The following GABPA variants were observed in gnomAD, a reference collection of about 807,000 sequenced individuals.
GABPA encodes the protein GA-binding protein alpha chain.
A neutral mutation model predicts 59.4 loss-of-function variants in GABPA; 4 were observed. The observed-to-expected ratio is 0.07, with a 90% CI of 0.03 to 0.15. The LOEUF (loss-of-function observed/expected upper bound fraction) is 0.15. Among genes scored for constraint, GABPA ranks in the 10% least tolerant of loss-of-function variants. GABPA has a pLI of 1.00. For missense variants in GABPA, 251 were observed against 543.8 expected, an observed-to-expected ratio of 0.46 and a Z score of 5.36; for synonymous variants, 164 against 183.1, an observed-to-expected ratio of 0.90 and a Z score of 0.84.
chr21:25,754,811 G>C (rs1201838281), intron 5 of GABPA, among the ~76,000 whole-genome samples: 1 of 152,216 alleles, frequency 6.6e-6, no homozygotes, highest in African/African-American at 2.4e-5. Flanking sequence ...CAGCACTTTG[G>C]GAGGCTGAGG....
intron 5 of GABPA, among the ~76,000 whole-genome samples, chr21:25,754,896 C>T (rs2035597028): frequency 6.7e-6 from 1 of 150,298 alleles, no homozygotes; most frequent in African/African-American, 2.4e-5. Context: ...ACTAAAAACA[C>T]AAAAATTAGC....
chr21:25,762,246 T>A (rs879517755), intron 6 of GABPA, 66 bp from the exon 7 acceptor site: 28 of 812,930 alleles, frequency 3.4e-5, no homozygotes, highest in African/African-American at 8.6e-5. Flanking sequence ...TAAGTTGAGT[T>A]TTATTGGATT....
chr21:25,751,543 T>G (rs1490057179), intron 4 of GABPA, among the ~76,000 whole-genome samples: 9 of 151,850 alleles, frequency 5.9e-5, no homozygotes, highest in Non-Finnish European at 1.3e-4. Context: ...TACTTTGTCC[T>G]TTAAAAAGAA....
chr21:25,755,263 A>G (rs2035605642), intron 5 of GABPA, among the ~76,000 whole-genome samples: 2 of 151,942 alleles, frequency 1.3e-5, no homozygotes, highest in Admixed American at 6.6e-5. Context: ...AGCCTGGGCT[A>G]TATAGCCAGA....
intron 1 of GABPA, among the ~76,000 whole-genome samples, chr21:25,740,298 C>A (rs1387621433): frequency 6.6e-6 from 1 of 152,212 alleles, no homozygotes; most frequent in Non-Finnish European, 1.5e-5. Flanking sequence ...TTAAATTCTT[C>A]ATTTAGTGAA....
chr21:25,751,890 A>G (rs2035522324), intron 4 of GABPA, 99 bp from the exon 5 acceptor site: 10 of 1,199,702 alleles, frequency 8.3e-6, no homozygotes, highest in Middle Eastern at 2.0e-4. Flanking sequence ...TATTCGATGT[A>G]GTTTTTCTCT....
chr21:25,762,102 C>G (rs1568951489), intron 6 of GABPA, among the ~76,000 whole-genome samples: 1 of 152,046 alleles, frequency 6.6e-6, no homozygotes, highest in Non-Finnish European at 1.5e-5. Context: ...GAGCTTTTCC[C>G]TGTGTTATTT....
At chr21:25,738,876 A>G (rs2035146164) in intron 1 of GABPA, among the ~76,000 whole-genome samples, 2 of 152,148 alleles carry the variant, frequency 1.3e-5, no homozygotes, top group South Asian at 2.1e-4. Context: ...CAGTTAAGGA[A>G]TAGGCTTTAT....
At chr21:25,768,966 TTTTCTGAAGTCTCTA>T (rs1601161239) in intron 9 of GABPA, 23 bp from the exon 10 acceptor site, 4 of 1,429,832 alleles carry the variant, frequency 2.8e-6, no homozygotes, top group Non-Finnish European at 2.9e-6. Context: ...AAGTCTCATT[TTTTCTGAAGTCTCTA>T]ATTTTTTTTT....
rs949392086 is a variant in GABPA, at chr21:25,757,947, T to TAA, written c.554-62_554-61dup. The stretch of plus-strand genomic sequence containing the variant: ...TGTGTATGTGTGTGTATTGAGAAGT[T>TAA]AACTGTAAATTTACACAGTATCTAA... On this transcript the variant is annotated intron_variant, in intron 5 of 9. Coordinates refer to ENST00000400075, the MANE Select transcript of GABPA (RefSeq NM_002040.4). The TAA allele has an allele frequency of 3.3e-5, 32 of 981,638 alleles. No homozygotes were observed. The African/African-American group carries it at 5.1e-4, about 16-fold the overall frequency. 60.8% of individuals were successfully genotyped at this position (981,638 alleles called of 1,614,324 possible). A position where few individuals can be genotyped will look rare whatever the true frequency, so the allele number is the denominator to read the frequency against.
At chr21:25,749,360 A>C (rs1305689441) in intron 4 of GABPA, among the ~76,000 whole-genome samples, 1 of 152,184 alleles carries the variant, frequency 6.6e-6, no homozygotes, top group Non-Finnish European at 1.5e-5. Context: ...AATCAGAGAG[A>C]GTACTGGAAG....
At chr21:25,736,481 A>G (rs1317301030) in intron 1 of GABPA, among the ~76,000 whole-genome samples, 2 of 152,182 alleles carry the variant, frequency 1.3e-5, no homozygotes, top group Non-Finnish European at 2.9e-5. Context: ...GGTTCCATCC[A>G]GGCTTTCCAA....
At chr21:25,746,437 A>G (rs572607105) in intron 3 of GABPA, among the ~76,000 whole-genome samples, 10 of 152,290 alleles carry the variant, frequency 6.6e-5, no homozygotes, top group African/African-American at 2.4e-4. Context: ...TATTCTGTAT[A>G]TTACAGAACT....
intron 4 of GABPA, among the ~76,000 whole-genome samples, chr21:25,750,339 G>C (rs1427570843): frequency 9.2e-5 from 14 of 152,158 alleles, no homozygotes; most frequent in Admixed American, 9.2e-4. Flanking sequence ...CCTGGGGTTT[G>C]GGGACCTCTG....
chr21:25,758,068 A>G lies in GABPA; in HGVS notation c.612A>G (p.Glu204=). 6.2e-7 allele frequency: 1 copy of G among 1,606,838 alleles called. No homozygotes were observed. The highest frequency in any genetic ancestry group is 8.5e-7 in the Non-Finnish European group (1 of 1,177,278). Reference sequence around the variant, plus strand: ...ATTGGGTGGTTTGGGTAATGAAGGAATTCAGCATGACCGATATAGACCTCA... The same window carrying G: ...ATTGGGTGGTTTGGGTAATGAAGGAGTTCAGCATGACCGATATAGACCTCA... ...VLHWVVWVMK[E]FSMTDIDLTT... The change falls in exon 6 of 10, where the codon GAA becomes GAG. Residue 204 remains glutamate, a synonymous_variant. Coordinates refer to ENST00000400075, the MANE Select transcript of GABPA (RefSeq NM_002040.4).
intron 9 of GABPA, 88 bp downstream of exon 9, chr21:25,764,875 A>AC: frequency 1.2e-6 from 1 of 854,184 alleles, no homozygotes; most frequent in Non-Finnish European, 1.7e-6. Context: ...AAGCATTGTT[A>AC]TGTAATGATA....
chr21:25,749,317 TA>T (rs1057162649), intron 4 of GABPA, among the ~76,000 whole-genome samples, 197 bp downstream of exon 4: 4 of 152,174 alleles, frequency 2.6e-5, no homozygotes, highest in African/African-American at 9.7e-5. Flanking sequence ...AGTTCAATCA[TA>T]AAAGGATATA....
intron 1 of GABPA, among the ~76,000 whole-genome samples, chr21:25,740,773 TG>T (rs1421517192): frequency 6.6e-6 from 1 of 152,258 alleles, no homozygotes; most frequent in Non-Finnish European, 1.5e-5. Flanking sequence ...TACTTTGTTT[TG>T]CTGTTTTATA....
intron 4 of GABPA, among the ~76,000 whole-genome samples, chr21:25,750,790 T>C (rs2035490032): frequency 6.6e-6 from 1 of 152,186 alleles, no homozygotes; most frequent in South Asian, 2.1e-4. Context: ...TAGTGACCTC[T>C]TGATGCAAGT....
Sources: gnomAD v4.1 joint callset for allele counts (sites outside exome capture counted in the v4.1 genomes callset) on GRCh38, gnomAD v4.1.1 for gene constraint, MANE v1.5 for transcripts, NCBI Gene and HGNC (gene_info 2026-07-23, HGNC 2026-07-21) for gene names.